The following IP6K3 variants were observed in gnomAD, a reference collection of about 807,000 sequenced individuals.
IP6K3 encodes inositol hexakisphosphate kinase 3.
A neutral mutation model predicts 28.8 loss-of-function variants in IP6K3; 20 were observed. That is an observed-to-expected ratio of 0.70 (90% CI 0.49 to 1.01). The LOEUF (loss-of-function observed/expected upper bound fraction) is 1.01, where lower values mean the gene tolerates loss of function less well. Ranked by LOEUF, IP6K3 falls within the 50% of genes least tolerant of loss-of-function variation. The probability of loss-of-function intolerance (pLI) is 0.00; values close to 1 mark genes in which losing one functional copy is unlikely to be tolerated. For synonymous variants in IP6K3, 213 were observed against 221.3 expected, an observed-to-expected ratio of 0.96 and a Z score of 0.33; for missense variants, 480 against 537.1, an observed-to-expected ratio of 0.89 and a Z score of 1.05.
rs4711341 is a variant in IP6K3 at position 33,723,020 on chromosome 6, A to G, written c.933T>C (p.Ser311=). The G allele has an allele frequency of 0.47, 759,287 of 1,612,902 alleles. 190,769 individuals are homozygous for G. The highest frequency in any genetic ancestry group is 0.83 in the East Asian group (37,271 of 44,816). The change falls in exon 6 of 6, where the codon TCT becomes TCC. Residue 311 remains serine, a synonymous_variant. Coordinates refer to ENST00000293756, the MANE Select transcript of IP6K3 (RefSeq NM_054111.5). The part of the protein sequence containing the change: ...PILHQLRALL[S]VIRSQSSYRF... ...GGTATGAACTCTGGCTCCTAATGAC[A>G]GAGAGGAGGGCCCGGAGCTGGTGCA...
chr6:33,727,021 T>G, intron 3 of IP6K3, 115 bp from the exon 4 acceptor site: 7 of 1,145,926 alleles, frequency 6.1e-6, no homozygotes, highest in Non-Finnish European at 8.4e-6. Flanking sequence ...CCAGCTGCTC[T>G]CCAGGGCAGC....
chr6:33,729,994 G>A (rs865839166), intron 2 of IP6K3, among the ~76,000 whole-genome samples: 5 of 152,190 alleles, frequency 3.3e-5, no homozygotes, highest in Admixed American at 2.0e-4. Context: ...TTGCAGGTGT[G>A]AGCCACCGTG....
At chr6:33,749,647 T>C (rs28651968), upstream of IP6K3, among the ~76,000 whole-genome samples, 65,029 of 150,488 alleles carry the variant, frequency 0.43, 16,103 homozygotes, top group East Asian at 0.86. Context: ...TGTGTGTGTG[T>C]GCGCGCGGCC....
At chr6:33,726,972 C>T (rs547350211) in intron 3 of IP6K3, 66 bp from the exon 4 acceptor site, 3 of 1,458,648 alleles carry the variant, frequency 2.1e-6, no homozygotes, top group East Asian at 4.8e-5. Flanking sequence ...CTGCCTGTGG[C>T]TGACTGGGCT....
In IP6K3 at chr6:33,723,011, C is replaced by T; in HGVS notation, c.942G>A (p.Arg314=). 1 of 1,614,026 alleles carries T rather than the reference C, an allele frequency of 6.2e-7. No homozygotes were observed. The highest frequency in any genetic ancestry group is 1.1e-5 in the South Asian group (1 of 91,066). The part of the protein sequence containing the change: ...HQLRALLSVI[R]SQSSYRFYSS... ...AATAGAAGCGGTATGAACTCTGGCT[C>T]CTAATGACAGAGAGGAGGGCCCGGA... The change falls in exon 6 of 6, where the codon AGG becomes AGA. Residue 314 remains arginine, a synonymous_variant. Transcript: ENST00000293756.
intron 5 of IP6K3, 68 bp downstream of exon 5, chr6:33,725,373 G>T: frequency 6.8e-7 from 1 of 1,473,210 alleles, no homozygotes; most frequent in Non-Finnish European, 9.1e-7. Context: ...ATCTGGATGG[G>T]AGATATCCTT....
rs376913992 is a variant in IP6K3, at chr6:33,726,693, G to A, written c.589+38C>T. The A allele has an allele frequency of 2.0e-4, 305 of 1,523,764 alleles. 1 individual carries two copies. The African/African-American group carries it at 3.8e-3, about 19-fold the overall frequency. The allele number at this position is 1,523,764 out of a possible 1,614,324, so 94.4% of individuals were successfully genotyped here. A position where few individuals can be genotyped will look rare whatever the true frequency, so the allele number is the denominator to read the frequency against. On this transcript the variant is annotated intron_variant, in intron 4 of 5. Coordinates refer to ENST00000293756, the MANE Select transcript of IP6K3 (RefSeq NM_054111.5). Reference sequence around the variant, plus strand: ...CCCCTCTGTGTCTCTCTGTCGCCCCGCCCTTGGGACCACATGTGAGGGGGA... The same window carrying A: ...CCCCTCTGTGTCTCTCTGTCGCCCCACCCTTGGGACCACATGTGAGGGGGA...
chr6:33,756,458 AGGGTCAGAG>A, the IP6K3 span, among the ~76,000 whole-genome samples: 1 of 151,476 alleles, frequency 6.6e-6, no homozygotes, highest in Non-Finnish European at 1.5e-5. Flanking sequence ...GGTAGAGAAG[AGGGTCAGAG>A]GGGTCTGTGT....
chr6:33,748,283 T>C (rs1461167233), upstream of IP6K3, among the ~76,000 whole-genome samples: 4 of 152,120 alleles, frequency 2.6e-5, no homozygotes, highest in Non-Finnish European at 5.9e-5. Flanking sequence ...CATTTCCACA[T>C]GTCCATGGAG....
upstream of IP6K3, among the ~76,000 whole-genome samples, chr6:33,748,642 C>CA (rs35735336): frequency 0.31 from 11,392 of 36,996 alleles, 1,725 homozygotes; most frequent in East Asian, 0.6. Flanking sequence ...ACCCTGTCTC[C>CA]AAAAAAAAAA....
chr6:33,757,307 C>T, the IP6K3 span, among the ~76,000 whole-genome samples: 5 of 152,248 alleles, frequency 3.3e-5, no homozygotes, highest in Non-Finnish European at 7.3e-5. Context: ...TCCTGATCAG[C>T]AGGCCATCTC....
chr6:33,749,719 C>T (rs1314794355), upstream of IP6K3, among the ~76,000 whole-genome samples: 1 of 151,752 alleles, frequency 6.6e-6, no homozygotes, highest in Non-Finnish European at 1.5e-5. Context: ...TCAGTAGAAG[C>T]AGGTTAGGGG....
At chr6:33,727,701 C>A (rs1766168129) in intron 3 of IP6K3, 2 of 460,622 alleles carry the variant, frequency 4.3e-6, no homozygotes, top group South Asian at 1.8e-4. Context: ...GAGGTGATTT[C>A]TGAGAGCAAT....
the IP6K3 span, among the ~76,000 whole-genome samples, chr6:33,759,741 C>T: frequency 6.6e-6 from 1 of 152,098 alleles, no homozygotes; most frequent in African/African-American, 2.4e-5. Flanking sequence ...GGCGTGGTGG[C>T]GGGTGCCTGT....
chr6:33,748,127 C>A (rs9469581), upstream of IP6K3, among the ~76,000 whole-genome samples: 16,450 of 152,066 alleles, frequency 0.11, 1,158 homozygotes, highest in African/African-American at 0.19. Context: ...ATGAGGGGCT[C>A]AGCCTCCTCT....
intron 3 of IP6K3, among the ~76,000 whole-genome samples, chr6:33,727,267 G>C (rs1272569486): frequency 1.3e-5 from 2 of 152,204 alleles, no homozygotes; most frequent in East Asian, 3.9e-4. Context: ...CAAGCCTGGG[G>C]TTGGACTCTG....
At chr6:33,754,194 G>A in the IP6K3 span, among the ~76,000 whole-genome samples, 1 of 152,162 alleles carries the variant, frequency 6.6e-6, no homozygotes, top group Non-Finnish European at 1.5e-5. Flanking sequence ...ACCCAGCTGG[G>A]CCGGGGGAGA....
At chr6:33,724,596 T>G (rs913145696) in intron 5 of IP6K3, among the ~76,000 whole-genome samples, 2 of 152,186 alleles carry the variant, frequency 1.3e-5, no homozygotes, top group Non-Finnish European at 2.9e-5. Context: ...GGTTATGAGC[T>G]TCCCACTTTA....
chr6:33,761,050 C>T, the IP6K3 span, among the ~76,000 whole-genome samples: 3 of 151,910 alleles, frequency 2.0e-5, no homozygotes, highest in African/African-American at 2.4e-5. Context: ...GAATCTTTAA[C>T]GGTGGGATTT....
Sources: gnomAD v4.1 joint callset for allele counts (sites outside exome capture counted in the v4.1 genomes callset) on GRCh38, gnomAD v4.1.1 for gene constraint, MANE v1.5 for transcripts, NCBI Gene and HGNC (gene_info 2026-07-23, HGNC 2026-07-21) for gene names.